NTM: variants seen among roughly 807,000 people sequenced by gnomAD.
The protein encoded by NTM is IgLON family member 2.
NTM carries 13 observed loss-of-function variants against 42.1 expected under a neutral mutation model. That is an observed-to-expected ratio of 0.31 (90% CI 0.20 to 0.49). The LOEUF is 0.49. Ranked by LOEUF, NTM falls within the 20% of genes least tolerant of loss-of-function variation. The probability of loss-of-function intolerance (pLI) is 0.99; values close to 1 mark genes in which losing one functional copy is unlikely to be tolerated. For synonymous variants in NTM, 187 were observed against 179.2 expected (o/e 1.04, Z -0.35); for missense variants, 373 against 452.8 (o/e 0.82, Z 1.60).
chr11:131,474,530 T>G (rs1327731071), intron 1 of NTM, among the ~76,000 whole-genome samples: 1 of 152,130 alleles, frequency 6.6e-6, no homozygotes, highest in Non-Finnish European at 1.5e-5. Context: ...ACCATATGCC[T>G]CAGGCTCTTT....
intron 2 of NTM, among the ~76,000 whole-genome samples, chr11:132,095,808 G>C (rs1163171243): frequency 6.6e-6 from 1 of 152,158 alleles, no homozygotes; most frequent in Admixed American, 6.6e-5. Flanking sequence ...AACCTGGGGT[G>C]CTTCAAAACT....
chr11:131,402,490 A>G (rs182916392), intron 1 of NTM, among the ~76,000 whole-genome samples: 4 of 152,260 alleles, frequency 2.6e-5, no homozygotes, highest in Middle Eastern at 3.4e-3. Flanking sequence ...CAAAGAAACA[A>G]GAAACTAAGA....
chr11:131,940,149 G>C (rs114264448), intron 2 of NTM, among the ~76,000 whole-genome samples: 1 of 152,212 alleles, frequency 6.6e-6, no homozygotes, highest in African/African-American at 2.4e-5. Context: ...CGATTCTGCA[G>C]AGATCTGGCT....
intron 3 of NTM, among the ~76,000 whole-genome samples, chr11:132,208,691 T>G (rs2082361211): frequency 6.6e-6 from 1 of 152,168 alleles, no homozygotes; most frequent in Admixed American, 6.6e-5. Flanking sequence ...GAAAATGAAC[T>G]CACAGTAAGC....
chr11:131,417,418 T>G (rs984525182), intron 1 of NTM, among the ~76,000 whole-genome samples: 2 of 152,164 alleles, frequency 1.3e-5, no homozygotes, highest in African/African-American at 4.8e-5. Flanking sequence ...GACTTGTTAT[T>G]TAGTATTAGT....
At chr11:132,296,431 A>T (rs2094612590) in intron 4 of NTM, among the ~76,000 whole-genome samples, 1 of 152,090 alleles carries the variant, frequency 6.6e-6, no homozygotes. Flanking sequence ...ATTATTTCCC[A>T]CGTGTTAATC....
intron 2 of NTM, among the ~76,000 whole-genome samples, chr11:131,942,807 A>C (rs2059939154): frequency 6.6e-6 from 1 of 152,058 alleles, no homozygotes; most frequent in Admixed American, 6.5e-5. Context: ...TTAGCTGGGC[A>C]TGGTGACACG....
At chr11:132,076,311 C>T (rs1427501782) in intron 2 of NTM, among the ~76,000 whole-genome samples, 1 of 152,174 alleles carries the variant, frequency 6.6e-6, no homozygotes, top group Admixed American at 6.5e-5. Flanking sequence ...AGCATGGCAT[C>T]CCAATAAAAA....
intron 1 of NTM, among the ~76,000 whole-genome samples, chr11:131,465,500 G>A (rs2136139315): frequency 6.6e-6 from 1 of 152,252 alleles, no homozygotes; most frequent in Middle Eastern, 3.4e-3. Context: ...CAGGTTGCCA[G>A]CTTACTATGT....
chr11:132,108,149 A>G (rs2062655437), intron 2 of NTM, among the ~76,000 whole-genome samples: 1 of 152,106 alleles, frequency 6.6e-6, no homozygotes, highest in South Asian at 2.1e-4. Flanking sequence ...CGTAATATCC[A>G]TTGTTTCTAA....
intron 4 of NTM, among the ~76,000 whole-genome samples, chr11:132,288,865 C>T (rs534940464): frequency 6.6e-6 from 1 of 152,174 alleles, no homozygotes. Context: ...AGGTGATCCA[C>T]CCGCCTCAGC....
intron 1 of NTM, among the ~76,000 whole-genome samples, chr11:131,662,765 C>T (rs2068308651): frequency 6.6e-6 from 1 of 152,240 alleles, no homozygotes; most frequent in Non-Finnish European, 1.5e-5. Context: ...TGAAAAGAGA[C>T]GGCCTTCCCT....
chr11:131,781,297 A>T (rs2088069020), intron 1 of NTM, among the ~76,000 whole-genome samples: 1 of 152,106 alleles, frequency 6.6e-6, no homozygotes, highest in South Asian at 2.1e-4. Flanking sequence ...ATTAATGTAG[A>T]AAGCATAAAA....
intron 4 of NTM, among the ~76,000 whole-genome samples, chr11:132,274,019 A>G (rs370659387): frequency 2.0e-5 from 3 of 152,216 alleles, no homozygotes; most frequent in East Asian, 1.9e-4. Flanking sequence ...TTATTAGTAT[A>G]CAATTATTCA....
chr11:131,711,495 G>A (rs1318810133), intron 1 of NTM, among the ~76,000 whole-genome samples: 1 of 152,204 alleles, frequency 6.6e-6, no homozygotes, highest in Non-Finnish European at 1.5e-5. Context: ...GTGCTGGAGA[G>A]GATGTGGAGA....
At chr11:132,305,779 ATT>A (rs1219534075) in intron 4 of NTM, among the ~76,000 whole-genome samples, 2 of 152,206 alleles carry the variant, frequency 1.3e-5, no homozygotes, top group Non-Finnish European at 2.9e-5. Flanking sequence ...ATCAAACAAT[ATT>A]CATAAAGGCT....
chr11:131,932,827 CT>C, intron 2 of NTM, among the ~76,000 whole-genome samples: 1 of 152,204 alleles, frequency 6.6e-6, no homozygotes, highest in Non-Finnish European at 1.5e-5. Context: ...CTTGGGGCAT[CT>C]TTTAGGCCAA....
At chr11:131,404,358 C>A (rs1358836994) in intron 1 of NTM, among the ~76,000 whole-genome samples, 1 of 152,144 alleles carries the variant, frequency 6.6e-6, no homozygotes, top group Non-Finnish European at 1.5e-5. Context: ...GAAATTGTTC[C>A]TCTTGGCCTC....
At chr11:131,854,548 T>C (rs1483166558) in intron 1 of NTM, among the ~76,000 whole-genome samples, 1 of 152,190 alleles carries the variant, frequency 6.6e-6, no homozygotes, top group Non-Finnish European at 1.5e-5. Flanking sequence ...CATCAAGTGC[T>C]GAGTCTTGAC....
Sources: allele counts gnomAD v4.1 joint callset (sites outside exome capture counted in the v4.1 genomes callset), GRCh38; gene constraint gnomAD v4.1.1; transcripts MANE v1.5; gene names NCBI Gene and HGNC (gene_info 2026-07-23, HGNC 2026-07-21).